Variants in ATP9A observed in about 807,000 individuals in gnomAD.
ATP9A encodes the protein probable phospholipid-transporting ATPase IIA.
ATP9A carries 52 observed loss-of-function variants against 144.1 expected under a neutral mutation model. The observed-to-expected ratio is 0.36, with a 90% CI of 0.29 to 0.45. The LOEUF is 0.45. ATP9A is among the 20% of genes least tolerant of loss of function. The pLI is 1.00. For synonymous variants in ATP9A, 582 were observed against 557.4 expected, an observed-to-expected ratio of 1.04 and a Z score of -0.62; for missense variants, 947 against 1,392.7, an observed-to-expected ratio of 0.68 and a Z score of 5.09.
chr20:51,618,833 G>A (rs373069559), intron 20 of ATP9A, 27 bp from the exon 21 acceptor site: 6 of 1,578,368 alleles, frequency 3.8e-6, no homozygotes, highest in Admixed American at 3.5e-5. Context: ...GAGGTGGTGC[G>A]TTGGTGGAGG....
chr20:51,696,069 T>A (rs779790607), intron 6 of ATP9A, 24 bp downstream of exon 6: 1 of 1,601,194 alleles, frequency 6.2e-7, no homozygotes, highest in Non-Finnish European at 8.6e-7. Flanking sequence ...ATGGTTATTT[T>A]CCAAATTGAT....
intron 4 of ATP9A, among the ~76,000 whole-genome samples, chr20:51,711,459 G>C (rs771788697): frequency 3.2e-4 from 48 of 152,134 alleles, no homozygotes; most frequent in Non-Finnish European, 8.8e-5. Context: ...CTTGGCTCAG[G>C]TGCTAAGTCC....
At chr20:51,638,727 G>C (rs1437473595) in intron 15 of ATP9A, among the ~76,000 whole-genome samples, 1 of 152,060 alleles carries the variant, frequency 6.6e-6, no homozygotes. Context: ...GTCAGCCCTG[G>C]TTTTGCAAGC....
intron 3 of ATP9A, among the ~76,000 whole-genome samples, chr20:51,722,895 T>C (rs1002549762): frequency 5.9e-5 from 9 of 152,238 alleles, no homozygotes; most frequent in African/African-American, 1.9e-4. Flanking sequence ...CACACGTTTA[T>C]AGTGGCACAA....
At chr20:51,640,318 A>C (rs1397869964) in intron 14 of ATP9A, among the ~76,000 whole-genome samples, 1 of 152,130 alleles carries the variant, frequency 6.6e-6, no homozygotes, top group Non-Finnish European at 1.5e-5. Flanking sequence ...CCGCGCCAAC[A>C]TCTGGGGGAA....
rs190438649 is a variant in ATP9A, at chr20:51,623,773, G to A, written c.2016+1419C>T. ...ACTGCACTCCAGCCTGGGCGACAGA[G>A]TGAAACTCTGTCTCAAAAAAAAAAA... On this transcript the variant is annotated intron_variant, in intron 18 of 27. Transcript: ENST00000338821. Among the ~76,000 whole-genome samples, 6 of 129,044 alleles carry A rather than the reference G, an allele frequency of 4.6e-5. No homozygotes were observed. The East Asian group carries it at 1.3e-3, about 28-fold the overall frequency. The allele number at this position is 129,044 out of a possible 152,430, so 84.7% of individuals were successfully genotyped here. A position where few individuals can be genotyped will look rare whatever the true frequency, so the allele number is the denominator to read the frequency against.
chr20:51,659,912 G>A (rs1568807725), intron 13 of ATP9A, among the ~76,000 whole-genome samples: 1 of 152,100 alleles, frequency 6.6e-6, no homozygotes, highest in Non-Finnish European at 1.5e-5. Flanking sequence ...TCACTTCCAG[G>A]CCAAAGGGCA....
intron 3 of ATP9A, among the ~76,000 whole-genome samples, chr20:51,715,111 A>C (rs1363417697): frequency 6.6e-6 from 1 of 152,226 alleles, no homozygotes; most frequent in Non-Finnish European, 1.5e-5. Flanking sequence ...AAGGGTTAGC[A>C]GTTGTGGTTC....
chr20:51,690,202 C>T (rs1323818410), intron 8 of ATP9A, among the ~76,000 whole-genome samples: 3 of 149,184 alleles, frequency 2.0e-5, no homozygotes, highest in Middle Eastern at 3.6e-3. Flanking sequence ...GGGCGGATCA[C>T]AAGGTCAGGG....
In ATP9A at chr20:51,713,172, C is replaced by T. The variant is rs1439215145; in HGVS notation, c.328-98G>A. 4 of 1,035,106 alleles carry T rather than the reference C, an allele frequency of 3.9e-6. No homozygotes were observed. The African/African-American group carries it at 6.3e-5, about 16-fold the overall frequency. The allele number at this position is 1,035,106 out of a possible 1,614,324, so 64.1% of individuals were successfully genotyped here. On this transcript the variant is annotated intron_variant, in intron 3 of 27. Transcript: ENST00000338821. ...GCCAGGGGCAGGAAAGGCGAGAGGTCACTTGGGAGGGCAGGGGGGCAGGAC... is the reference window on the plus strand; with the variant it reads ...GCCAGGGGCAGGAAAGGCGAGAGGTTACTTGGGAGGGCAGGGGGGCAGGAC...
At chr20:51,762,984 T>C (rs2077887829) in intron 1 of ATP9A, among the ~76,000 whole-genome samples, 1 of 152,010 alleles carries the variant, frequency 6.6e-6, no homozygotes, top group African/African-American at 2.4e-5. Flanking sequence ...CCTCCCAAAG[T>C]GCTGGGATTA....
chr20:51,671,549 A>G (rs2077455984), intron 11 of ATP9A, among the ~76,000 whole-genome samples: 1 of 152,160 alleles, frequency 6.6e-6, no homozygotes, highest in South Asian at 2.1e-4. Context: ...TGATCCCTTA[A>G]GCTAATATAT....
intron 3 of ATP9A, among the ~76,000 whole-genome samples, chr20:51,717,431 G>A (rs904535836): frequency 1.3e-5 from 2 of 152,154 alleles, no homozygotes; most frequent in African/African-American, 4.8e-5. Flanking sequence ...CTGTTGGAAA[G>A]AGAGGCAACA....
chr20:51,608,596 C>G lies in ATP9A; in HGVS notation c.2667G>C (p.Val889=), dbSNP rs1044062764. The change falls in exon 25 of 28, where the codon GTG becomes GTC. Residue 889 remains valine, a synonymous_variant. Transcript: ENST00000338821. ...GYSTIYTMFP[V]FSLVLDKDVK... ...CATCTTTGTCCAGGACCAGAGAAAA[C>G]ACAGGAAACATGGTGTAAATTGTGG... 6.2e-7 allele frequency: 1 copy of G among 1,613,378 alleles called. No individual in the cohort carries two copies. The highest frequency in any genetic ancestry group is 1.7e-5 in the Admixed American group (1 of 60,026).
At chr20:51,669,142 G>GT (rs1210663650) in intron 13 of ATP9A, among the ~76,000 whole-genome samples, 1 of 152,192 alleles carries the variant, frequency 6.6e-6, no homozygotes, top group Non-Finnish European at 1.5e-5. Flanking sequence ...AGCAAGGGGT[G>GT]TGTTTGTCTT....
chr20:51,659,067 C>G (rs953674925), intron 13 of ATP9A, among the ~76,000 whole-genome samples: 2 of 152,134 alleles, frequency 1.3e-5, no homozygotes, highest in Non-Finnish European at 2.9e-5. Context: ...CTGAGGGCCT[C>G]TGCACTTGCT....
At chr20:51,702,415 G>C (rs920868108) in intron 4 of ATP9A, among the ~76,000 whole-genome samples, 4 of 146,744 alleles carry the variant, frequency 2.7e-5, no homozygotes, top group African/African-American at 7.6e-5. Flanking sequence ...CATGTAATGA[G>C]AGAAAATACA....
chr20:51,707,920 C>G (rs938871622), intron 4 of ATP9A, among the ~76,000 whole-genome samples: 1 of 151,900 alleles, frequency 6.6e-6, no homozygotes, highest in African/African-American at 2.4e-5. Context: ...GTCTAGAGTA[C>G]GGTGATGTGA....
At chr20:51,704,426 T>C (rs1158918683) in intron 4 of ATP9A, among the ~76,000 whole-genome samples, 1 of 152,172 alleles carries the variant, frequency 6.6e-6, no homozygotes, top group Non-Finnish European at 1.5e-5. Flanking sequence ...CACCAATGAC[T>C]TGTACTAAAA....
Sources: allele counts gnomAD v4.1 joint callset (sites outside exome capture counted in the v4.1 genomes callset), GRCh38; gene constraint gnomAD v4.1.1; transcripts MANE v1.5; gene names NCBI Gene and HGNC (gene_info 2026-07-23, HGNC 2026-07-21).